Variants in ASB4 observed in about 807,000 individuals in gnomAD.
The protein encoded by ASB4 is ankyrin repeat and SOCS box containing 4, also known as ankyrin repeat and SOCS box protein 4.
In ASB4, 35 loss-of-function variants were observed where a neutral mutation model predicts 38.6. The ratio of observed to expected loss-of-function variants is 0.91; its 90% CI spans 0.69 to 1.20. The LOEUF (loss-of-function observed/expected upper bound fraction) is 1.20. Among genes scored for constraint, ASB4 ranks in the 50% most tolerant of loss-of-function variants. ASB4 has a pLI of 0.00. For missense variants in ASB4, 557 were observed against 527.2 expected, an observed-to-expected ratio of 1.06 and a Z score of -0.55; for synonymous variants, 195 against 201.3, an observed-to-expected ratio of 0.97 and a Z score of 0.26.
chr7:95,471,795 G>GCCAT, the ASB4 span: 1 of 151,642 alleles, frequency 6.6e-6, no homozygotes, highest in Non-Finnish European at 1.5e-5. Flanking sequence ...CAGAGCATTT[G>GCCAT]CCATGTGCCA....
chr7:95,498,692 G>A (rs55639050), intron 2 of ASB4, among the ~76,000 whole-genome samples: 1,864 of 152,218 alleles, frequency 0.012, 40 homozygotes, highest in African/African-American at 0.042. Flanking sequence ...GAAGTATTTA[G>A]TTCTGATAAA....
At chr7:95,492,720 C>T (rs1036399693) in intron 1 of ASB4, among the ~76,000 whole-genome samples, 5 of 152,192 alleles carry the variant, frequency 3.3e-5, no homozygotes, top group Non-Finnish European at 2.9e-5. Flanking sequence ...TCACAGAGAG[C>T]TGCCTAATTT....
chr7:95,479,009 C>A (rs1363146016), intron 1 of ASB4, among the ~76,000 whole-genome samples: 1 of 152,100 alleles, frequency 6.6e-6, no homozygotes, highest in Non-Finnish European at 1.5e-5. Context: ...GGAAGACTTT[C>A]AAAAAATCTC....
intron 2 of ASB4, among the ~76,000 whole-genome samples, chr7:95,514,247 G>A (rs1013913869): frequency 1.0e-3 from 154 of 152,070 alleles, no homozygotes; most frequent in African/African-American, 3.6e-3. Context: ...TTGAATTTCT[G>A]TCTCACCGAC....
intron 2 of ASB4, among the ~76,000 whole-genome samples, chr7:95,500,295 G>A (rs80071828): frequency 0.014 from 2,100 of 152,176 alleles, 46 homozygotes; most frequent in African/African-American, 0.048. Context: ...GCTAGGAGCC[G>A]TGGCTTATGC....
chr7:95,475,034 G>A (rs1279759452), upstream of ASB4, among the ~76,000 whole-genome samples: 1 of 152,140 alleles, frequency 6.6e-6, no homozygotes, highest in African/African-American at 2.4e-5. Context: ...ATGTTCTGTA[G>A]AGCCTATAGA....
At chr7:95,476,449 C>G (rs1390289953), upstream of ASB4, among the ~76,000 whole-genome samples, 1 of 152,106 alleles carries the variant, frequency 6.6e-6, no homozygotes, top group Non-Finnish European at 1.5e-5. Context: ...ACAAAATTCA[C>G]CTATGAGAAA....
chr7:95,520,643 C>T (rs978334045), intron 2 of ASB4, among the ~76,000 whole-genome samples: 1 of 110,356 alleles, frequency 9.1e-6, no homozygotes, highest in Non-Finnish European at 2.0e-5. Context: ...CCACTCCCCA[C>T]CCCCCATCCC....
At chr7:95,500,589 A>AAG (rs1790321605) in intron 2 of ASB4, among the ~76,000 whole-genome samples, 2 of 150,904 alleles carry the variant, frequency 1.3e-5, no homozygotes, top group Admixed American at 1.3e-4. Flanking sequence ...AAAAAAAAAA[A>AAG]AAAAAAAGCC....
chr7:95,545,170 G>A (rs193258269), downstream of ASB4, among the ~76,000 whole-genome samples: 348 of 152,262 alleles, frequency 2.3e-3, 8 homozygotes, highest in Admixed American at 0.02. Flanking sequence ...CCTAAAGGAG[G>A]CACTGTAGGA....
At chr7:95,497,068 G>A (rs994940089) in intron 2 of ASB4, among the ~76,000 whole-genome samples, 1 of 152,094 alleles carries the variant, frequency 6.6e-6, no homozygotes, top group African/African-American at 2.4e-5. Flanking sequence ...GAGGGTAGAG[G>A]GGAGTGTTAC....
chr7:95,541,536 C>T (rs1333667062), downstream of ASB4, among the ~76,000 whole-genome samples: 2 of 152,104 alleles, frequency 1.3e-5, no homozygotes, highest in African/African-American at 4.8e-5. Flanking sequence ...CACGGGGGAA[C>T]AAGACAAACC....
intron 2 of ASB4, among the ~76,000 whole-genome samples, chr7:95,516,382 G>T (rs1207869104): frequency 2.6e-5 from 4 of 152,092 alleles, no homozygotes; most frequent in African/African-American, 9.7e-5. Flanking sequence ...TAAATACAGG[G>T]TGACTGAGCT....
upstream of ASB4, among the ~76,000 whole-genome samples, chr7:95,483,572 A>G (rs550116502): frequency 6.6e-6 from 1 of 152,336 alleles, no homozygotes; most frequent in South Asian, 2.1e-4. Context: ...GATCAGATCA[A>G]ATGATTAGAT....
Position 95,537,862 on chromosome 7 carries a change from C to T in ASB4, c.*103C>T, listed in dbSNP as rs1439238657. 2 of 921,010 alleles carry T rather than the reference C, an allele frequency of 2.2e-6. No homozygotes were observed. The highest frequency in any genetic ancestry group is 3.3e-6 in the Non-Finnish European group (2 of 610,274). 57.1% of individuals were successfully genotyped at this position (921,010 alleles called of 1,614,324 possible). ...GGTACTTGGGTTGATTATAACACTTCAGGGATTTCAAAACACTTTACAAAC... is the reference window on the plus strand; with the variant it reads ...GGTACTTGGGTTGATTATAACACTTTAGGGATTTCAAAACACTTTACAAAC... On this transcript the variant is annotated 3_prime_UTR_variant, in exon 5 of 5. Transcript: ENST00000325885.
At chr7:95,550,005 C>T in the ASB4 span, among the ~76,000 whole-genome samples, 1 of 152,176 alleles carries the variant, frequency 6.6e-6, no homozygotes, top group Non-Finnish European at 1.5e-5. Context: ...CTGGGCAAAA[C>T]AGGTGCAAGT....
intron 2 of ASB4, among the ~76,000 whole-genome samples, chr7:95,506,303 G>A (rs758012899): frequency 6.6e-6 from 1 of 152,164 alleles, no homozygotes; most frequent in African/African-American, 2.4e-5. Flanking sequence ...CTGCTCCAAT[G>A]AGTTTCAGGT....
At chr7:95,496,357 C>T (rs1198158938) in intron 2 of ASB4, among the ~76,000 whole-genome samples, 2 of 152,002 alleles carry the variant, frequency 1.3e-5, no homozygotes, top group African/African-American at 2.4e-5. Flanking sequence ...GAAAATACTC[C>T]TGCCCTCAAA....
At chr7:95,497,776 A>G (rs1214568037) in intron 2 of ASB4, among the ~76,000 whole-genome samples, 1 of 152,198 alleles carries the variant, frequency 6.6e-6, no homozygotes, top group Non-Finnish European at 1.5e-5. Context: ...ACATTAAAAT[A>G]TAAAATATGT....
Sources: gnomAD v4.1 joint callset for allele counts (sites outside exome capture counted in the v4.1 genomes callset) on GRCh38, gnomAD v4.1.1 for gene constraint, MANE v1.5 for transcripts, NCBI Gene and HGNC (gene_info 2026-07-23, HGNC 2026-07-21) for gene names.